Variants in AP3D1 observed in about 807,000 individuals in gnomAD.
The protein encoded by AP3D1 is AP-3 complex subunit delta-1.
AP3D1 carries 51 observed loss-of-function variants against 147.6 expected under a neutral mutation model. The ratio of observed to expected loss-of-function variants is 0.35; its 90% CI spans 0.28 to 0.44. The LOEUF (loss-of-function observed/expected upper bound fraction) is 0.44. AP3D1 is among the 20% of genes least tolerant of loss of function. The pLI, the probability that AP3D1 is intolerant of heterozygous loss-of-function variation, is 1.00. For missense variants in AP3D1, 1,421 were observed against 1,624.2 expected (o/e 0.87, Z 2.15); for synonymous variants, 760 against 663.0 (o/e 1.15, Z -2.25).
chr19:2,138,521 G>A, intron 2 of AP3D1, 98 bp downstream of exon 2: 1 of 948,836 alleles, frequency 1.1e-6, no homozygotes, highest in Non-Finnish European at 1.7e-6. Flanking sequence ...TGGTACCAAT[G>A]ACTGACAGGT....
intron 4 of AP3D1, among the ~76,000 whole-genome samples, chr19:2,136,588 T>C (rs921077280): frequency 1.3e-5 from 2 of 151,900 alleles, no homozygotes; most frequent in African/African-American, 4.8e-5. Flanking sequence ...TGCTGAAAAA[T>C]GCACCTCGTG....
rs201354946 is a variant in AP3D1, at chr19:2,116,704, G to A, written c.1902C>T (p.Ser634=). 265 of 1,611,458 alleles carry A rather than the reference G, an allele frequency of 1.6e-4. 1 individual carries two copies. In the African/African-American group the frequency reaches 2.5e-3, roughly 15 times the overall value. Residue 634 remains serine, a synonymous_variant, in exon 17 of 32, where the codon AGC becomes AGT. Transcript: ENST00000643116. ...CCCTGGGCCTCTCGTCCTCTGACTC[G>A]CTGTCCGAGAGTGGCTCATTGATCC... ...DAWINEPLSD[S]ESEDERPRAV... is the part of the protein sequence containing the mutation.
intron 23 of AP3D1, 182 bp downstream of exon 23, chr19:2,113,154 C>T: frequency 1.6e-6 from 1 of 624,458 alleles, no homozygotes; most frequent in Non-Finnish European, 2.8e-6. Context: ...TTCCCCTGGC[C>T]CCTGCTTGGC....
intron 2 of AP3D1, among the ~76,000 whole-genome samples, chr19:2,138,264 G>A (rs972799323): frequency 1.1e-4 from 16 of 152,204 alleles, no homozygotes; most frequent in African/African-American, 3.9e-4. Flanking sequence ...GCCAGCCCTG[G>A]AAGGTCCAGG....
chr19:2,121,536 C>T (rs960931909), intron 12 of AP3D1, among the ~76,000 whole-genome samples, 198 bp downstream of exon 12: 1 of 152,198 alleles, frequency 6.6e-6, no homozygotes, highest in African/African-American at 2.4e-5. Context: ...GTTCTGCAGG[C>T]TCGGCCCCGC....
chr19:2,119,076 G>A (rs540757871), intron 14 of AP3D1, among the ~76,000 whole-genome samples: 16 of 152,330 alleles, frequency 1.1e-4, no homozygotes, highest in South Asian at 8.3e-4. Context: ...AAGGTCAGAA[G>A]AGGAAAAAGG....
intron 8 of AP3D1, among the ~76,000 whole-genome samples, chr19:2,128,515 G>C (rs1463136339): frequency 2.5e-5 from 2 of 80,990 alleles, no homozygotes; most frequent in South Asian, 4.6e-4. Flanking sequence ...CCGCCCCACA[G>C]CTCCGACACT....
chr19:2,106,800 CAGA>C (rs1568273221), intron 31 of AP3D1, among the ~76,000 whole-genome samples: 1 of 152,108 alleles, frequency 6.6e-6, no homozygotes, highest in Non-Finnish European at 1.5e-5. Flanking sequence ...CAGCCAGACA[CAGA>C]AGGATACATT....
At chr19:2,127,434 C>T (rs1463204579) in intron 8 of AP3D1, among the ~76,000 whole-genome samples, 2 of 152,252 alleles carry the variant, frequency 1.3e-5, no homozygotes, top group East Asian at 3.9e-4. Flanking sequence ...CCCGTGACAG[C>T]ATCCACGCAG....
intron 1 of AP3D1, among the ~76,000 whole-genome samples, chr19:2,150,774 G>C (rs2019485753): frequency 6.6e-6 from 1 of 152,210 alleles, no homozygotes; most frequent in African/African-American, 2.4e-5. Context: ...CGGGGGCGGG[G>C]CCCGGGCCCC....
rs1568283485 is a variant in AP3D1, at chr19:2,117,222, C to T, written c.1859G>A (p.Gly620Asp). The T allele has an allele frequency of 3.7e-6, 6 of 1,605,468 alleles. No homozygotes were observed. Among genetic ancestry groups the T allele is most frequent in the Non-Finnish European group, 5.1e-6 (6 of 1,175,716 alleles). ...AATGCCCCCACCCCCGTATCCTTAC[C>T]CTTCGGGGACTGGAACCTTCTTCTG... Reference protein sequence around the residue: ...KAQKKVPVPEGLDLDAWINEP... With the variant: ...KAQKKVPVPEDLDLDAWINEP... The change falls in exon 16 of 32, where the codon GGC becomes GAC. Residue 620 changes from glycine to aspartate, a missense_variant and splice_region_variant. By Grantham distance (94) the Gly-to-Asp change is moderately conservative. Transcript: ENST00000643116.
At chr19:2,111,404 A>T (rs1438259268) in intron 25 of AP3D1, 72 bp from the exon 26 acceptor site, 1 of 1,567,360 alleles carries the variant, frequency 6.4e-7, no homozygotes, top group African/African-American at 1.4e-5. Context: ...AGTATGGCCC[A>T]ATACCCCAGG....
At chr19:2,107,207 CCGA>C (rs2018134535) in intron 31 of AP3D1, among the ~76,000 whole-genome samples, 1 of 151,522 alleles carries the variant, frequency 6.6e-6, no homozygotes, top group Admixed American at 6.6e-5. Context: ...TTGCAGTGAG[CCGA>C]GACCGCGCCA....
At chr19:2,152,166 A>C (rs1364386710), upstream of AP3D1, among the ~76,000 whole-genome samples, 3 of 152,224 alleles carry the variant, frequency 2.0e-5, no homozygotes, top group African/African-American at 7.2e-5. Flanking sequence ...AGGCATGGTA[A>C]GGGGTGCTGG....
In AP3D1 at chr19:2,138,652, C is replaced by T. The variant is rs761708094; in HGVS notation, c.159G>A (p.Ala53=). The stretch of plus-strand genomic sequence containing the variant: ...GCTTGCAGACCGCGTTCGCCTTCAC[C>T]GCTATGTTGTCCTGCTTCAGCTCCT... ...IKQELKQDNI[A]VKANAVCKLT... The change falls in exon 2 of 32, where the codon GCG becomes GCA. Residue 53 remains alanine (A), a synonymous_variant. Transcript: ENST00000643116. The T allele has an allele frequency of 1.1e-5, 18 of 1,613,854 alleles. No individual in the cohort carries two copies. The highest frequency in any genetic ancestry group is 8.0e-5 in the African/African-American group (6 of 74,914).
chr19:2,117,602 T>C (rs1031277972), intron 15 of AP3D1, among the ~76,000 whole-genome samples: 9 of 152,316 alleles, frequency 5.9e-5, no homozygotes, highest in African/African-American at 1.9e-4. Flanking sequence ...ACAGGGAGCT[T>C]TGCCCACTGC....
chr19:2,161,911 C>T (rs529390400), intron 1 of AP3D1, among the ~76,000 whole-genome samples: 3 of 151,772 alleles, frequency 2.0e-5, no homozygotes, highest in African/African-American at 7.3e-5. Context: ...ATCCCAGTCA[C>T]TACTCCAGCC....
At chr19:2,131,340 C>A (rs368118774) in intron 5 of AP3D1, among the ~76,000 whole-genome samples, 1 of 147,224 alleles carries the variant, frequency 6.8e-6, no homozygotes, top group Non-Finnish European at 1.5e-5. Flanking sequence ...CAGGCAGCCA[C>A]GTGGGGACAG....
chr19:2,112,126 C>A, intron 24 of AP3D1: 1 of 468,704 alleles, frequency 2.1e-6, no homozygotes, highest in Non-Finnish European at 3.9e-6. Flanking sequence ...GACGCAGCAA[C>A]CCCACGCCCA....
Sources: allele counts gnomAD v4.1 joint callset (sites outside exome capture counted in the v4.1 genomes callset), GRCh38; gene constraint gnomAD v4.1.1; transcripts MANE v1.5; gene names NCBI Gene and HGNC (gene_info 2026-07-23, HGNC 2026-07-21).